Variants in SYNE1 observed in about 807,000 individuals in gnomAD.
The protein encoded by SYNE1 is nesprin-1.
In SYNE1, 616 loss-of-function variants were observed where a neutral mutation model predicts 1,111.0. That is an observed-to-expected ratio of 0.55 (90% CI 0.52 to 0.59). SYNE1 has a LOEUF of 0.59. SYNE1 is among the 20% of genes least tolerant of loss of function. The pLI is 0.00. For missense variants in SYNE1, 10,006 were observed against 10,417.0 expected (o/e 0.96, Z 1.72); for synonymous variants, 3,855 against 3,825.8 (o/e 1.01, Z -0.28).
At chr6:152,141,441 C>T in intron 138 of SYNE1, 112 bp from the exon 139 acceptor site, 1 of 1,436,486 alleles carries the variant, frequency 7.0e-7, no homozygotes, top group South Asian at 1.2e-5. Context: ...GTGTTTGGCT[C>T]CTCTGTGCCA....
intron 66 of SYNE1, among the ~76,000 whole-genome samples, 163 bp downstream of exon 66, chr6:152,358,210 G>C (rs2096871493): frequency 6.6e-6 from 1 of 152,212 alleles, no homozygotes; most frequent in African/African-American, 2.4e-5. Context: ...AGCGCATACT[G>C]CTGAGGTCTC....
At chr6:152,469,641 A>T (rs993509033) in intron 16 of SYNE1, among the ~76,000 whole-genome samples, 16 of 152,234 alleles carry the variant, frequency 1.1e-4, no homozygotes, top group Non-Finnish European at 1.9e-4. Flanking sequence ...GTAAGATACC[A>T]TATCAATGAT....
At chr6:152,626,528 A>G (rs2099686085) in intron 3 of SYNE1, among the ~76,000 whole-genome samples, 1 of 152,174 alleles carries the variant, frequency 6.6e-6, no homozygotes, top group South Asian at 2.1e-4. Context: ...AAGATGTACA[A>G]CTTAAATCTG....
chr6:152,527,434 C>T (rs181797339), intron 4 of SYNE1, among the ~76,000 whole-genome samples: 42 of 152,266 alleles, frequency 2.8e-4, no homozygotes, highest in Non-Finnish European at 4.9e-4. Flanking sequence ...CCACCATTCA[C>T]GCTGCTTCTT....
Position 152,427,758 on chromosome 6 carries a change from T to A in SYNE1, c.5035A>T (p.Ser1679Cys), listed in dbSNP as rs886042597. The change falls in exon 38 of 146, where the codon AGT (serine) becomes TGT (cysteine). Residue 1679 changes from serine (S) to cysteine (C), a missense_variant. Transcript: ENST00000367255. ...TWLERGEAKA[S>C]SPEMDISADR... ...GCAGAAATGTCCATTTCTGGGGAAC[T>A]GGCTTTAGCTTCACCCCGCTCTAAC... 6.2e-7 allele frequency: 1 copy of A among 1,614,094 alleles called. No homozygotes were observed. Among genetic ancestry groups the A allele is most frequent in the Non-Finnish European group, 8.5e-7 (1 of 1,180,040 alleles).
chr6:152,237,305 AC>A (rs1305436101), intron 108 of SYNE1, among the ~76,000 whole-genome samples: 1 of 109,414 alleles, frequency 9.1e-6, no homozygotes, highest in Non-Finnish European at 1.7e-5. Context: ...TTGGGTATGC[AC>A]TTTTTTTTTT....
At chr6:152,594,448 T>A (rs934110743) in intron 3 of SYNE1, among the ~76,000 whole-genome samples, 5 of 152,206 alleles carry the variant, frequency 3.3e-5, no homozygotes, top group African/African-American at 4.8e-5. Context: ...TATCCAAAGA[T>A]GGACAGGGAA....
chr6:152,565,126 C>T (rs747830044), intron 3 of SYNE1, among the ~76,000 whole-genome samples: 16 of 152,044 alleles, frequency 1.1e-4, no homozygotes, highest in East Asian at 1.9e-4. Flanking sequence ...GACAGGGAAG[C>T]GAAGAAGTTT....
chr6:152,453,420 T>C (rs1007663721), intron 25 of SYNE1, 166 bp downstream of exon 25: 2 of 874,286 alleles, frequency 2.3e-6, no homozygotes, highest in African/African-American at 3.3e-5. Context: ...TTCTATCATA[T>C]ATTATCAGGT....
Position 152,133,354 on chromosome 6 carries a change from C to T in SYNE1, c.25923G>A (p.Arg8641=). 6.2e-7 allele frequency: 1 copy of T among 1,614,130 alleles called. No homozygotes were observed. Among genetic ancestry groups the T allele is most frequent in the South Asian group, 1.1e-5 (1 of 91,084 alleles). The part of the protein sequence containing the change: ...AKEKVHVIGN[R]LKLLLKEVSR... ...TGACCTCCTTCAAGAGAAGTTTGAG[C>T]CGATTTCCAATAACATGGACTTTTT... Residue 8641 remains arginine, a synonymous_variant, in exon 143 of 146, where the codon CGG becomes CGA. Transcript: ENST00000367255.
At chr6:152,462,635 C>T in intron 20 of SYNE1, 103 bp downstream of exon 20, 1 of 1,389,444 alleles carries the variant, frequency 7.2e-7, no homozygotes, top group South Asian at 1.2e-5. Flanking sequence ...CAAAATGATG[C>T]CCAGGAGACA....
intron 11 of SYNE1, 121 bp from the exon 12 acceptor site, chr6:152,488,624 A>C: frequency 6.3e-6 from 4 of 638,376 alleles, no homozygotes; most frequent in Middle Eastern, 8.2e-4. Context: ...TCTCTGAAAA[A>C]TTTCCTTTCT....
chr6:152,230,746 A>C (rs1318939107), intron 114 of SYNE1, 44 bp from the exon 115 acceptor site: 1 of 1,594,644 alleles, frequency 6.3e-7, no homozygotes, highest in African/African-American at 1.3e-5. Flanking sequence ...TTATTTTAAT[A>C]AAATCAAATC....
At chr6:152,562,322 G>A (rs1298005492) in intron 3 of SYNE1, among the ~76,000 whole-genome samples, 1 of 152,086 alleles carries the variant, frequency 6.6e-6, no homozygotes, top group Non-Finnish European at 1.5e-5. Flanking sequence ...AAACATCAGG[G>A]AAAGCAAGTT....
In SYNE1 at chr6:152,325,226, G is replaced by A; in HGVS notation, c.15515C>T (p.Thr5172Ile). ...LEEKASQLEK[T>I]GNDASKATLS... ...GGTGGCTTTGCTGGCATCATTTCCG[G>A]TTTTCTCCAGTTGTGAAGCTTTTTC... Residue 5172 changes from threonine (T) to isoleucine (I), a missense_variant, in exon 81 of 146, where the codon ACC (threonine) becomes ATC (isoleucine). By Grantham distance (89) the Thr-to-Ile change is moderately conservative. Around this residue, in one of 7 missense-constraint regions of SYNE1, gnomAD observed 4,955 missense variants for 5,017.2 expected, o/e 0.99. Transcript: ENST00000367255. 6.2e-7 allele frequency: 1 copy of A among 1,614,062 alleles called. No homozygotes were observed. Among genetic ancestry groups the A allele is most frequent in the South Asian group, 1.1e-5 (1 of 91,078 alleles).
chr6:152,628,194 A>G (rs1428983686), intron 3 of SYNE1, 71 bp downstream of exon 3: 23 of 1,549,204 alleles, frequency 1.5e-5, no homozygotes, highest in Non-Finnish European at 2.0e-5. Context: ...TAAAACCCCA[A>G]ACAAATTTAA....
chr6:152,309,834 C>A lies in SYNE1; in HGVS notation c.17202+1G>T, dbSNP rs776498257. ...TACTGGTGTGGGTACCCTGCACCTG[C>A]CTGCATGATGTTACACTGCTGGATG... On this transcript the variant is annotated splice_donor_variant, in intron 90 of 145. Coordinates refer to ENST00000367255, the MANE Select transcript of SYNE1 (RefSeq NM_182961.4). LOFTEE classifies it high-confidence loss of function. 3.1e-6 allele frequency: 5 copies of A among 1,613,746 alleles called. No homozygotes were observed. The highest frequency in any genetic ancestry group is 4.2e-6 in the Non-Finnish European group (5 of 1,180,028).
At chr6:152,460,906 G>A (rs184793528) in intron 21 of SYNE1, among the ~76,000 whole-genome samples, 444 of 144,448 alleles carry the variant, frequency 3.1e-3, no homozygotes, top group Admixed American at 4.8e-3. Context: ...TCTGCCTCCC[G>A]GGTTCAAGTG....
rs757466963 is a variant in SYNE1, at chr6:152,122,593, C to G, written c.26237G>C (p.Arg8746Pro). Reference protein sequence around the residue: ...SGRGFLFRVLRAALPLQLLLL... With the variant: ...SGRGFLFRVLPAALPLQLLLL... The stretch of plus-strand genomic sequence containing the variant: ...GAGAAGCTGAAGGGGAAGAGCTGCT[C>G]GGAGGACTCTGAACAGGAAGCCGCG... The change falls in exon 146 of 146, where the codon CGA (arginine) becomes CCA (proline). Residue 8746 changes from arginine to proline, a missense_variant. Arg to Pro is a moderately radical substitution (Grantham distance 103). Transcript: ENST00000367255. 6.2e-7 allele frequency: 1 copy of G among 1,614,178 alleles called. No homozygotes were observed. The highest frequency in any genetic ancestry group is 2.2e-5 in the East Asian group (1 of 44,870).
Sources: allele counts gnomAD v4.1 joint callset (sites outside exome capture counted in the v4.1 genomes callset), GRCh38; gene constraint gnomAD v4.1.1; regional missense constraint gnomAD v4.1.1; transcripts MANE v1.5; gene names NCBI Gene and HGNC (gene_info 2026-07-23, HGNC 2026-07-21).